The following RAB27B variants were observed in gnomAD, a reference collection of about 807,000 sequenced individuals.
RAB27B encodes the protein ras-related protein Rab-27B.
In RAB27B, 15 loss-of-function variants were observed where a neutral mutation model predicts 24.6. That is an observed-to-expected ratio of 0.61 (90% CI 0.41 to 0.94). RAB27B has a LOEUF of 0.94. RAB27B is among the 40% of genes least tolerant of loss of function. RAB27B has a pLI of 0.00. For missense variants in RAB27B, 261 were observed against 266.8 expected (o/e 0.98, Z 0.15); for synonymous variants, 105 against 92.5 (o/e 1.14, Z -0.78).
At chr18:54,839,989 C>A (rs1911045807) in intron 1 of RAB27B, among the ~76,000 whole-genome samples, 1 of 152,094 alleles carries the variant, frequency 6.6e-6, no homozygotes, top group African/African-American at 2.4e-5. Context: ...TGCTTTTTTG[C>A]AGACTTTGTG....
chr18:54,827,742 T>C (rs1248897328), upstream of RAB27B, among the ~76,000 whole-genome samples: 1 of 152,210 alleles, frequency 6.6e-6, no homozygotes, highest in Non-Finnish European at 1.5e-5. Context: ...TATTATAATG[T>C]ACCTAACCTT....
chr18:54,732,663 A>G (rs1960536685), intron 2 of RAB27B, among the ~76,000 whole-genome samples: 1 of 152,266 alleles, frequency 6.6e-6, no homozygotes, highest in South Asian at 2.1e-4. Flanking sequence ...TCAGTAAGAT[A>G]TAATGACTAG....
intron 1 of RAB27B, among the ~76,000 whole-genome samples, chr18:54,845,438 G>T (rs950920154): frequency 2.0e-5 from 3 of 147,582 alleles, no homozygotes; most frequent in Non-Finnish European, 4.5e-5. Flanking sequence ...AATCTATTTA[G>T]GAAGAAAATA....
intron 1 of RAB27B, among the ~76,000 whole-genome samples, chr18:54,855,940 G>A (rs1218807422): frequency 6.6e-6 from 1 of 152,138 alleles, no homozygotes; most frequent in Non-Finnish European, 1.5e-5. Flanking sequence ...ATCCAACAGG[G>A]CATATATTAG....
intron 2 of RAB27B, among the ~76,000 whole-genome samples, chr18:54,816,550 G>T (rs565609710): frequency 1.3e-5 from 2 of 152,178 alleles, no homozygotes; most frequent in Non-Finnish European, 2.9e-5. Context: ...TTTTAAATTT[G>T]AAACAAAAGA....
intron 2 of RAB27B, among the ~76,000 whole-genome samples, chr18:54,782,674 A>G (rs1908952678): frequency 6.6e-6 from 1 of 152,192 alleles, no homozygotes; most frequent in Non-Finnish European, 1.5e-5. Flanking sequence ...CTTAAATTCG[A>G]CCATAAAACA....
intron 2 of RAB27B, among the ~76,000 whole-genome samples, chr18:54,730,021 T>A (rs1430626800): frequency 7.5e-5 from 1 of 13,416 alleles, no homozygotes; most frequent in Admixed American, 7.2e-4. Context: ...ATAATTTGGG[T>A]TTTTTTAGGT....
rs1912753038 is a variant in RAB27B, at chr18:54,877,572, C to G, written c.-14C>G. ...GTTTTCCCTCTCCTATACAGACCGA[C>G]CAAGACCATCACTATGACCGATGGA... On this transcript the variant is annotated 5_prime_UTR_variant, in exon 2 of 6. Transcript: ENST00000262094. The G allele has an allele frequency of 6.6e-7, 1 of 1,524,426 alleles. No individual in the cohort carries two copies. The highest frequency in any genetic ancestry group is 8.7e-7 in the Non-Finnish European group (1 of 1,146,218). The allele number at this position is 1,524,426 out of a possible 1,614,324, so 94.4% of individuals were successfully genotyped here.
Position 54,800,405 on chromosome 18 carries a change from G to T in RAB27B, c.-19-77162G>T, listed in dbSNP as rs536495329. Among the ~76,000 whole-genome samples, 149 of 152,274 alleles carry T rather than the reference G, an allele frequency of 9.8e-4. 1 individual carries two copies. Among genetic ancestry groups the T allele is most frequent in the African/African-American group, 3.4e-3 (143 of 41,552 alleles). ...TGTGATTCAAAGCCTAGATTGCAAAGAACATTTACATTTGCCAGGATTGCA... is the reference window on the plus strand; with the variant it reads ...TGTGATTCAAAGCCTAGATTGCAAATAACATTTACATTTGCCAGGATTGCA... On this transcript the variant is annotated intron_variant, in intron 2 of 4. Coordinates refer to the RAB27B transcript ENST00000586570.
At chr18:54,885,508 CT>C (rs1913097850) in intron 4 of RAB27B, among the ~76,000 whole-genome samples, 1 of 152,120 alleles carries the variant, frequency 6.6e-6, no homozygotes, top group South Asian at 2.1e-4. Flanking sequence ...TTGCCATTCC[CT>C]TTATCTTTTT....
At chr18:54,854,057 G>T (rs570606606) in intron 1 of RAB27B, among the ~76,000 whole-genome samples, 1 of 152,166 alleles carries the variant, frequency 6.6e-6, no homozygotes, top group South Asian at 2.1e-4. Flanking sequence ...ATTAGTGAAA[G>T]TACAGATTAT....
At chr18:54,861,826 C>T (rs997220950) in intron 1 of RAB27B, among the ~76,000 whole-genome samples, 5 of 152,152 alleles carry the variant, frequency 3.3e-5, no homozygotes, top group Admixed American at 3.3e-4. Flanking sequence ...ACCCATTTTC[C>T]TGTCTTGGTG....
chr18:54,778,702 C>T (rs1025382421), intron 2 of RAB27B, among the ~76,000 whole-genome samples: 4 of 152,226 alleles, frequency 2.6e-5, no homozygotes, highest in Admixed American at 2.0e-4. Flanking sequence ...CCCTCATTTC[C>T]TTCCTTTCCA....
chr18:54,786,808 G>A (rs1909101353), intron 2 of RAB27B, among the ~76,000 whole-genome samples: 1 of 152,206 alleles, frequency 6.6e-6, no homozygotes, highest in Admixed American at 6.5e-5. Context: ...GCAACTGAAA[G>A]AGGTGTGTTG....
intron 3 of RAB27B, among the ~76,000 whole-genome samples, chr18:54,881,476 A>G (rs1328446127): frequency 6.6e-6 from 1 of 152,126 alleles, no homozygotes; most frequent in Non-Finnish European, 1.5e-5. Flanking sequence ...TTCTGTACAG[A>G]TTCCAGTCGG....
chr18:54,873,567 C>CT (rs976108454), intron 1 of RAB27B, among the ~76,000 whole-genome samples: 20 of 150,780 alleles, frequency 1.3e-4, no homozygotes, highest in South Asian at 4.2e-4. Flanking sequence ...TTTGCCAAGG[C>CT]TTTTTTTTTA....
intron 2 of RAB27B, among the ~76,000 whole-genome samples, chr18:54,782,273 TACAAA>T (rs1453484541): frequency 3.3e-5 from 5 of 152,234 alleles, no homozygotes; most frequent in Non-Finnish European, 7.3e-5. Flanking sequence ...GTGTCCTGTT[TACAAA>T]ACAAAATGTA....
rs372818873 is a variant in RAB27B at position 54,729,535 on chromosome 18, A to C, written c.-20+11394A>C. ...AAATGGAGGCAATCGTTTGATTTATAGCATTCTAAAGTATCTTGTATTGCT... is the reference window on the plus strand; with the variant it reads ...AAATGGAGGCAATCGTTTGATTTATCGCATTCTAAAGTATCTTGTATTGCT... On this transcript the variant is annotated intron_variant, in intron 2 of 4. Transcript: ENST00000586570. Among the ~76,000 whole-genome samples the C allele has an allele frequency of 1.0e-3, 157 of 152,338 alleles. 4 individuals carry two copies. In the South Asian group the frequency reaches 0.028, roughly 27 times the overall value.
In RAB27B at chr18:54,879,539, CAAAT is replaced by C. The variant is rs1912839124; in HGVS notation, c.239+88_239+91del. ...GAATTCTGTATGTGAACTTGAAAAA[CAAAT>C]AATATTCAACTCTTCTCCTGGTTTC... On this transcript the variant is annotated intron_variant, in intron 3 of 5. Transcript: ENST00000262094. The C allele has an allele frequency of 1.2e-5, 13 of 1,083,716 alleles. No homozygotes were observed. The South Asian group carries it at 1.4e-4, about 12-fold the overall frequency. The allele number at this position is 1,083,716 out of a possible 1,614,324, so 67.1% of individuals were successfully genotyped here. A position where few individuals can be genotyped will look rare whatever the true frequency, so the allele number is the denominator to read the frequency against.
Sources: gnomAD v4.1 joint callset for allele counts (sites outside exome capture counted in the v4.1 genomes callset) on GRCh38, gnomAD v4.1.1 for gene constraint, MANE v1.5 for transcripts, NCBI Gene and HGNC (gene_info 2026-07-23, HGNC 2026-07-21) for gene names.